Variants in MPP7 observed in about 807,000 individuals in gnomAD.
The protein encoded by MPP7 is MAGUK p55 subfamily member 7.
A neutral mutation model predicts 76.5 loss-of-function variants in MPP7; 60 were observed. That is an observed-to-expected ratio of 0.78 (90% CI 0.64 to 0.97). The LOEUF (loss-of-function observed/expected upper bound fraction) is 0.97. Ranked by LOEUF, MPP7 falls within the 50% of genes least tolerant of loss-of-function variation. The probability of loss-of-function intolerance (pLI) is 0.00; values close to 1 mark genes in which losing one functional copy is unlikely to be tolerated. For synonymous variants in MPP7, 237 were observed against 244.5 expected (o/e 0.97, Z 0.29); for missense variants, 641 against 694.0 (o/e 0.92, Z 0.86).
chr10:28,218,578 A>C (rs1838390972), intron 2 of MPP7, among the ~76,000 whole-genome samples: 1 of 152,306 alleles, frequency 6.6e-6, no homozygotes. Flanking sequence ...AAGACACTAT[A>C]AGACCTAATA....
At chr10:28,185,598 AG>A (rs1837210038) in intron 3 of MPP7, among the ~76,000 whole-genome samples, 1 of 152,206 alleles carries the variant, frequency 6.6e-6, no homozygotes, top group African/African-American at 2.4e-5. Context: ...TGTCTCCTTC[AG>A]CCATACATTA....
chr10:28,312,166 G>T (rs981275339), intron 2 of MPP7, among the ~76,000 whole-genome samples: 2 of 152,116 alleles, frequency 1.3e-5, no homozygotes, highest in African/African-American at 2.4e-5. Flanking sequence ...TGTCGCTGCT[G>T]GCTGGGATGG....
intron 12 of MPP7, among the ~76,000 whole-genome samples, chr10:28,073,494 G>A (rs191203026): frequency 6.6e-6 from 1 of 152,284 alleles, no homozygotes; most frequent in Non-Finnish European, 1.5e-5. Flanking sequence ...ATGGAGCTGA[G>A]GGGAGTGCCT....
At position 28,193,479 on chromosome 10, in the gene MPP7, G is replaced by A. The variant is rs533695120; in HGVS notation, c.156+8674C>T. Reference sequence around the variant, plus strand: ...GCCCGCCTCGGCCTCCCAAAGTGCCGGGATTACAGGCGTGAGTCACCATGA... The same window carrying A: ...GCCCGCCTCGGCCTCCCAAAGTGCCAGGATTACAGGCGTGAGTCACCATGA... On this transcript the variant is annotated intron_variant, in intron 3 of 16. Coordinates refer to ENST00000683449, the MANE Select transcript of MPP7 (RefSeq NM_001318170.2). 8.5e-5 allele frequency among the ~76,000 whole-genome samples: 13 copies of A among 152,230 alleles called. No individual in the cohort carries two copies. The South Asian group carries it at 1.5e-3, about 17-fold the overall frequency.
chr10:28,299,009 G>A (rs1455293451), intron 1 of MPP7, among the ~76,000 whole-genome samples: 4 of 152,204 alleles, frequency 2.6e-5, no homozygotes, highest in African/African-American at 9.7e-5. Flanking sequence ...TTAAGGGAAT[G>A]TTGTGGCTGG....
At chr10:28,221,609 C>T (rs1460239174) in intron 2 of MPP7, among the ~76,000 whole-genome samples, 2 of 152,254 alleles carry the variant, frequency 1.3e-5, no homozygotes, top group East Asian at 1.9e-4. Context: ...ACATCCAAAT[C>T]ATGTTATGAA....
intron 5 of MPP7, among the ~76,000 whole-genome samples, chr10:28,135,341 G>A (rs1835321686): frequency 6.6e-6 from 1 of 152,190 alleles, no homozygotes; most frequent in Admixed American, 6.5e-5. Context: ...CTTAGCCATG[G>A]CATGCATATA....
At position 28,052,942 on chromosome 10, in the gene MPP7, GA is replaced by G. The variant is rs1851414913; in HGVS notation, c.*1122del. ...CTTGCTGAAAATCAGTAGTATCAAAGAAAAGTGAGAGAACCCATCTAAATAT... is the reference window on the plus strand; with the variant it reads ...CTTGCTGAAAATCAGTAGTATCAAAGAAAGTGAGAGAACCCATCTAAATAT... On this transcript the variant is annotated 3_prime_UTR_variant, in exon 17 of 17. Coordinates refer to ENST00000683449, the MANE Select transcript of MPP7 (RefSeq NM_001318170.2). 1 of 152,054 alleles carries G rather than the reference GA, an allele frequency of 6.6e-6. No homozygotes were observed. The highest frequency in any genetic ancestry group is 6.6e-5 in the Admixed American group (1 of 15,256). 9.4% of individuals were successfully genotyped at this position (152,054 alleles called of 1,614,324 possible). A position where few individuals can be genotyped will look rare whatever the true frequency, so the allele number is the denominator to read the frequency against.
intron 1 of MPP7, among the ~76,000 whole-genome samples, chr10:28,274,358 CA>C (rs992865528): frequency 3.0e-4 from 46 of 151,620 alleles, no homozygotes; most frequent in African/African-American, 1.1e-3. Flanking sequence ...CTCGGCCTCC[CA>C]AAGTGCTGGG....
intron 14 of MPP7, 77 bp downstream of exon 14, chr10:28,059,573 T>C (rs767853597): frequency 2.4e-6 from 2 of 817,100 alleles, no homozygotes; most frequent in South Asian, 3.1e-5. Context: ...AATGGAGAAC[T>C]CTCAGTTGTC....
intron 3 of MPP7, among the ~76,000 whole-genome samples, chr10:28,163,842 C>T (rs1454453379): frequency 6.8e-6 from 1 of 146,808 alleles, no homozygotes; most frequent in Non-Finnish European, 1.5e-5. Context: ...ACCCAGGAGG[C>T]GGAGATCGCA....
chr10:28,277,381 T>C (rs1840535375), intron 1 of MPP7, among the ~76,000 whole-genome samples: 1 of 151,656 alleles, frequency 6.6e-6, no homozygotes, highest in Admixed American at 6.6e-5. Flanking sequence ...AAAAAATTAA[T>C]TAAAAAAATA....
intron 11 of MPP7, 93 bp downstream of exon 11, chr10:28,119,558 A>G (rs1180672322): frequency 1.1e-5 from 10 of 947,680 alleles, no homozygotes; most frequent in Admixed American, 9.5e-5. Context: ...TGCTAGGGTA[A>G]TAGGACCCTT....
At chr10:28,070,354 G>A (rs192040852) in intron 12 of MPP7, among the ~76,000 whole-genome samples, 6 of 152,242 alleles carry the variant, frequency 3.9e-5, no homozygotes, top group East Asian at 1.9e-4. Flanking sequence ...AGCCGAGATC[G>A]CGCCTCTGCA....
rs776719365 is a variant in MPP7, at chr10:28,053,741, G to C, written c.*324C>G. 3 of 236,844 alleles carry C rather than the reference G, an allele frequency of 1.3e-5. No homozygotes were observed. The allele number at this position is 236,844 out of a possible 1,614,324, so 14.7% of individuals were successfully genotyped here. On this transcript the variant is annotated 3_prime_UTR_variant, in exon 17 of 17. Transcript: ENST00000683449. ...CACACCTGAGACCAGCAGAAGCGCT[G>C]AACTCCCATACATACTAAGCCTCTA...
At chr10:28,084,643 T>C (rs187999326) in intron 12 of MPP7, among the ~76,000 whole-genome samples, 123 of 152,144 alleles carry the variant, frequency 8.1e-4, no homozygotes, top group Non-Finnish European at 1.5e-3. Flanking sequence ...CCTCTATCTA[T>C]GGCAATCAAA....
intron 3 of MPP7, among the ~76,000 whole-genome samples, chr10:28,162,805 G>A (rs201616902): frequency 2.6e-5 from 4 of 152,082 alleles, no homozygotes; most frequent in Middle Eastern, 3.2e-3. Flanking sequence ...ATAAAACACC[G>A]TGACTTTTGT....
intron 1 of MPP7, among the ~76,000 whole-genome samples, chr10:28,331,158 A>G (rs1233504197): frequency 6.6e-6 from 1 of 152,170 alleles, no homozygotes; most frequent in East Asian, 1.9e-4. Flanking sequence ...CTCAACAAAT[A>G]TTTGATGAAT....
chr10:28,199,691 T>C (rs1235963118), intron 3 of MPP7, among the ~76,000 whole-genome samples: 3 of 152,052 alleles, frequency 2.0e-5, no homozygotes, highest in Non-Finnish European at 1.5e-5. Flanking sequence ...ACTGCAGCCT[T>C]GACCTCCCGG....
Sources: allele counts gnomAD v4.1 joint callset (sites outside exome capture counted in the v4.1 genomes callset), GRCh38; gene constraint gnomAD v4.1.1; transcripts MANE v1.5; gene names NCBI Gene and HGNC (gene_info 2026-07-23, HGNC 2026-07-21).